SNRK: variants seen among roughly 807,000 people sequenced by gnomAD.
The protein encoded by SNRK is SNF related kinase, also known as SNF-related serine/threonine-protein kinase.
Under a neutral mutation model 48.2 loss-of-function variants are expected in SNRK, and 3 were observed. The ratio of observed to expected loss-of-function variants is 0.06; its 90% confidence interval spans 0.03 to 0.16. The LOEUF is 0.16. SNRK is among the 10% of genes least tolerant of loss of function. The probability of loss-of-function intolerance (pLI) is 1.00; values close to 1 mark genes in which losing one functional copy is unlikely to be tolerated. For missense variants in SNRK, 627 were observed against 976.0 expected, an observed-to-expected ratio of 0.64 and a Z score of 4.76; for synonymous variants, 376 against 366.1, an observed-to-expected ratio of 1.03 and a Z score of -0.31.
At chr3:43,320,832 ATT>A (rs753619797) in intron 3 of SNRK, among the ~76,000 whole-genome samples, 4 of 151,812 alleles carry the variant, frequency 2.6e-5, no homozygotes, top group Non-Finnish European at 5.9e-5. Context: ...TCTTATATGA[ATT>A]TTTGCTTTAG....
chr3:43,348,282 T>A lies in SNRK; in HGVS notation c.2023T>A (p.Ser675Thr). 6.2e-7 allele frequency: 1 copy of A among 1,614,134 alleles called. No homozygotes were observed. Among genetic ancestry groups the A allele is most frequent in the Non-Finnish European group, 8.5e-7 (1 of 1,179,978 alleles). The change falls in exon 7 of 7, where the codon TCC becomes ACC. Residue 675 changes from serine to threonine, a missense_variant. By Grantham distance (58) the Ser-to-Thr change is moderately conservative. Around this residue, in one of 4 missense-constraint regions of SNRK, gnomAD observed 207 missense variants for 234.3 expected, o/e 0.88. Transcript: ENST00000296088. ...IIDPQNGLSF[S>T]SVKVQEKSTW... ...TGATCCACAGAATGGCTTGTCATTT[T>A]CCAGTGTGAAAGTCCAAGAGAAATC...
intron 4 of SNRK, among the ~76,000 whole-genome samples, chr3:43,339,818 AATATATATATATATATATATATATAT>A (rs71083066): frequency 0.038 from 2,548 of 66,752 alleles, 128 homozygotes; most frequent in Middle Eastern, 0.11. Flanking sequence ...CCATTTCCAA[AATATATATATATATATATATATATAT>A]ATATATATAT....
intron 4 of SNRK, among the ~76,000 whole-genome samples, chr3:43,338,850 TTTATA>T (rs2091211081): frequency 6.6e-6 from 1 of 152,216 alleles, no homozygotes; most frequent in East Asian, 1.9e-4. Context: ...AGTAGCTTTA[TTTATA>T]GTATAAAGTA....
chr3:43,328,598 G>T (rs2091113614), intron 3 of SNRK, among the ~76,000 whole-genome samples: 1 of 152,056 alleles, frequency 6.6e-6, no homozygotes, highest in Admixed American at 6.5e-5. Flanking sequence ...GGAATATGGT[G>T]GATAATTTTT....
chr3:43,292,586 T>C (rs771363953), intron 1 of SNRK, among the ~76,000 whole-genome samples: 8 of 152,226 alleles, frequency 5.3e-5, no homozygotes, highest in Non-Finnish European at 1.2e-4. Flanking sequence ...CTGCCTCTCT[T>C]AAAATTTATC....
chr3:43,326,500 T>C (rs1203011694), intron 3 of SNRK, among the ~76,000 whole-genome samples: 1 of 152,090 alleles, frequency 6.6e-6, no homozygotes, highest in Non-Finnish European at 1.5e-5. Flanking sequence ...CTCCAAGTAT[T>C]GGAGGGAAAT....
chr3:43,342,452 T>C (rs17075583), intron 5 of SNRK, among the ~76,000 whole-genome samples: 5,861 of 152,324 alleles, frequency 0.038, 381 homozygotes, highest in African/African-American at 0.13. Context: ...TCACCTTGGA[T>C]ACTTCCTTTG....
rs560839908 is a variant in SNRK, at chr3:43,332,156, C to A, written c.590-13C>A. ...ATTAGTCCAATATTTTAAAGTATGT[C>A]TTTGATTTATAGATATTTGGAGTCT... On this transcript the variant is annotated splice_polypyrimidine_tract_variant and intron_variant, in intron 3 of 6. Transcript: ENST00000296088. 6.6e-7 allele frequency: 1 copy of A among 1,526,082 alleles called. No individual in the cohort carries two copies. The highest frequency in any genetic ancestry group is 8.8e-7 in the Non-Finnish European group (1 of 1,138,322). 94.5% of individuals were successfully genotyped at this position (1,526,082 alleles called of 1,614,324 possible).
chr3:43,343,718 G>A (rs527850406), intron 6 of SNRK, among the ~76,000 whole-genome samples: 10 of 152,144 alleles, frequency 6.6e-5, no homozygotes, highest in East Asian at 1.9e-4. Context: ...CTGTTGGCAT[G>A]GTCAGGAAAA....
intron 3 of SNRK, among the ~76,000 whole-genome samples, chr3:43,322,120 T>A (rs2091058296): frequency 6.6e-6 from 1 of 152,264 alleles, no homozygotes; most frequent in Non-Finnish European, 1.5e-5. Flanking sequence ...TTAGCATGGT[T>A]CTTCAGCTGG....
intron 3 of SNRK, among the ~76,000 whole-genome samples, chr3:43,304,196 A>G (rs1286847292): frequency 1.3e-5 from 2 of 152,200 alleles, no homozygotes; most frequent in Non-Finnish European, 2.9e-5. Flanking sequence ...TTACAGTGCA[A>G]TATAAAGAAT....
Position 43,303,949 on chromosome 3 carries a change from G to A in SNRK, c.589+157G>A, listed in dbSNP as rs1248290260. ...TAAATGCCATATATGCCTAAAGCTG[G>A]CATTTCGTTTATTTCAACCTTTAGA... On this transcript the variant is annotated intron_variant, in intron 3 of 6. Coordinates refer to ENST00000296088, the MANE Select transcript of SNRK (RefSeq NM_017719.5). The surrounding 1 kb of genome is among the most constrained non-coding windows in gnomAD (Gnocchi z 6.2). 6.6e-6 allele frequency among the ~76,000 whole-genome samples: 1 copy of A among 152,114 alleles called. No individual in the cohort carries two copies. The highest frequency in any genetic ancestry group is 1.5e-5 in the Non-Finnish European group (1 of 68,012).
intron 3 of SNRK, among the ~76,000 whole-genome samples, chr3:43,329,470 G>A (rs1320684067): frequency 6.6e-6 from 1 of 151,868 alleles, no homozygotes; most frequent in Non-Finnish European, 1.5e-5. Context: ...ATAAATATAT[G>A]GAATAAATGG....
chr3:43,340,768 G>A (rs924058920), intron 5 of SNRK: 3 of 446,568 alleles, frequency 6.7e-6, no homozygotes, highest in African/African-American at 2.0e-5. Flanking sequence ...GGGGTGGAAT[G>A]AAACAGCTTG....
intron 3 of SNRK, among the ~76,000 whole-genome samples, chr3:43,321,220 T>C (rs1356775519): frequency 6.6e-6 from 1 of 152,212 alleles, no homozygotes; most frequent in Non-Finnish European, 1.5e-5. Context: ...GAGTGTCCCC[T>C]GACTTTGTAA....
At chr3:43,293,274 A>G (rs544288349) in intron 1 of SNRK, among the ~76,000 whole-genome samples, 2 of 152,216 alleles carry the variant, frequency 1.3e-5, no homozygotes, top group South Asian at 4.1e-4. Flanking sequence ...GTTGGGCTGC[A>G]TACCCTCTTT....
intron 3 of SNRK, among the ~76,000 whole-genome samples, chr3:43,309,855 T>G (rs953061977): frequency 2.0e-5 from 3 of 152,036 alleles, no homozygotes; most frequent in Non-Finnish European, 4.4e-5. Flanking sequence ...TTTTTTGTTG[T>G]TTGTTTGTTT....
intron 3 of SNRK, among the ~76,000 whole-genome samples, chr3:43,305,480 ATTTTTTTTTTT>A (rs35255577): frequency 1.5e-5 from 2 of 132,952 alleles, no homozygotes; most frequent in East Asian, 4.2e-4. Context: ...TTTATATACA[ATTTTTTTTTTT>A]TTTTTTTTTG....
intron 1 of SNRK, among the ~76,000 whole-genome samples, chr3:43,293,409 G>C: frequency 6.6e-6 from 1 of 152,196 alleles, no homozygotes; most frequent in East Asian, 1.9e-4. Context: ...TCTCTTAATG[G>C]AAAAGTAAAT....
Sources: allele counts gnomAD v4.1 joint callset (sites outside exome capture counted in the v4.1 genomes callset), GRCh38; gene constraint gnomAD v4.1.1; regional missense constraint gnomAD v4.1.1; non-coding constraint Gnocchi (gnomAD v3.1); transcripts MANE v1.5; gene names NCBI Gene and HGNC (gene_info 2026-07-23, HGNC 2026-07-21).